Variants in KATNAL2 observed in about 807,000 individuals in gnomAD.
The protein encoded by KATNAL2 is katanin catalytic subunit A1 like 2, also known as katanin p60 ATPase-containing subunit A-like 2.
Under a neutral mutation model 76.3 loss-of-function variants are expected in KATNAL2, and 52 were observed. That is an observed-to-expected ratio of 0.68 (90% confidence interval 0.55 to 0.86). KATNAL2 has a LOEUF of 0.86. Among genes scored for constraint, KATNAL2 ranks in the 40% least tolerant of loss-of-function variants. KATNAL2 has a pLI of 0.00. For synonymous variants in KATNAL2, 243 were observed against 244.2 expected, an observed-to-expected ratio of 1.00 and a Z score of 0.05; for missense variants, 660 against 668.9, an observed-to-expected ratio of 0.99 and a Z score of 0.15.
chr18:47,100,031 G>A (rs2063401134), intron 16 of KATNAL2, among the ~76,000 whole-genome samples: 1 of 152,124 alleles, frequency 6.6e-6, no homozygotes, highest in African/African-American at 2.4e-5. Flanking sequence ...AGCATATTTC[G>A]ATGGTGTTAG....
chr18:47,054,472 G>T lies in KATNAL2; in HGVS notation c.332+34G>T. 3.7e-6 allele frequency: 6 copies of T among 1,600,216 alleles called. No individual in the cohort carries two copies. In the South Asian group the frequency reaches 6.6e-5, roughly 18 times the overall value. ...AATGGTAATTCTTCTTAATCGACTC[G>T]GCTCGAGGAGCTTGTGGAATCCCTT... On this transcript the variant is annotated intron_variant, in intron 6 of 17. Coordinates refer to ENST00000683218, the MANE Select transcript of KATNAL2 (RefSeq NM_001387690.1).
chr18:46,961,658 C>A (rs967291305), intron 3 of KATNAL2, among the ~76,000 whole-genome samples: 33 of 152,208 alleles, frequency 2.2e-4, no homozygotes, highest in Admixed American at 1.1e-3. Flanking sequence ...AACGTTGTCA[C>A]ATCCCTGACC....
At chr18:47,098,457 T>C (rs2063343703) in intron 15 of KATNAL2, 1 of 176,342 alleles carries the variant, frequency 5.7e-6, no homozygotes, top group East Asian at 1.7e-4. Flanking sequence ...TTCACTACCA[T>C]GAGAACAGCA....
intron 6 of KATNAL2, 137 bp downstream of exon 6, chr18:47,054,575 A>G: frequency 1.2e-6 from 1 of 820,964 alleles, no homozygotes. Context: ...GGCCCAGCCC[A>G]GGACTTCTCT....
chr18:47,035,428 A>C, intron 3 of KATNAL2: 2 of 1,420,604 alleles, frequency 1.4e-6, no homozygotes, highest in Non-Finnish European at 1.9e-6. Context: ...TCGGAGCAGC[A>C]GGCCACTTGG....
At chr18:47,054,214 C>G (rs902366609) in intron 5 of KATNAL2, among the ~76,000 whole-genome samples, 182 bp from the exon 6 acceptor site, 1 of 152,176 alleles carries the variant, frequency 6.6e-6, no homozygotes, top group Admixed American at 6.5e-5. Context: ...AAGCTCAGGC[C>G]TCTTTCTCTT....
In KATNAL2 at chr18:46,946,467, C is replaced by T. The variant is rs1345017173; in HGVS notation, c.-99C>T. On this transcript the variant is annotated 5_prime_UTR_variant, in exon 2 of 18. It adds an upstream start codon to the 5' untranslated region. Coordinates refer to ENST00000683218, the MANE Select transcript of KATNAL2 (RefSeq NM_001387690.1). ...CTAATCCAGGGAGGAGAAGACGGGA[C>T]GTCAAAATATAGTCTTGGGTATAGA... The T allele has an allele frequency of 3.0e-6, 3 of 985,292 alleles. No individual in the cohort carries two copies. The highest frequency in any genetic ancestry group is 3.6e-6 in the Non-Finnish European group (3 of 829,930). 61.0% of individuals were successfully genotyped at this position (985,292 alleles called of 1,614,324 possible). A position where few individuals can be genotyped will look rare whatever the true frequency, so the allele number is the denominator to read the frequency against.
At chr18:47,037,493 A>G (rs547504975) in intron 3 of KATNAL2, among the ~76,000 whole-genome samples, 3 of 152,198 alleles carry the variant, frequency 2.0e-5, no homozygotes, top group Non-Finnish European at 4.4e-5. Context: ...ACCATCTCTT[A>G]CAGTTTAAAT....
chr18:46,921,249 T>C (rs1460648949), intron 1 of KATNAL2, among the ~76,000 whole-genome samples: 1 of 152,182 alleles, frequency 6.6e-6, no homozygotes, highest in Non-Finnish European at 1.5e-5. Flanking sequence ...TGCCTCAGCC[T>C]CCCAAGTAGC....
At chr18:47,081,559 G>C (rs1453604619) in intron 15 of KATNAL2, among the ~76,000 whole-genome samples, 1 of 152,186 alleles carries the variant, frequency 6.6e-6, no homozygotes, top group South Asian at 2.1e-4. Flanking sequence ...CATGTGGCTG[G>C]TGCTACCATA....
intron 15 of KATNAL2, among the ~76,000 whole-genome samples, chr18:47,086,345 G>A (rs953927121): frequency 6.6e-6 from 1 of 152,042 alleles, no homozygotes; most frequent in Non-Finnish European, 1.5e-5. Flanking sequence ...GTCTCGCTCT[G>A]TTCCCCAGGC....
intron 3 of KATNAL2, among the ~76,000 whole-genome samples, chr18:46,948,385 A>G (rs1328105038): frequency 6.6e-6 from 1 of 150,388 alleles, no homozygotes; most frequent in Non-Finnish European, 1.5e-5. Flanking sequence ...GTGCTAGGAT[A>G]ACAGGCATGA....
intron 3 of KATNAL2, among the ~76,000 whole-genome samples, chr18:47,031,900 T>A (rs183891823): frequency 6.6e-6 from 1 of 152,308 alleles, no homozygotes; most frequent in East Asian, 1.9e-4. Flanking sequence ...TGTGTGTGTG[T>A]GTATCATATC....
chr18:47,035,300 G>T, intron 3 of KATNAL2: 1 of 1,611,612 alleles, frequency 6.2e-7, no homozygotes, highest in Admixed American at 1.7e-5. Flanking sequence ...TGTCCCGGCG[G>T]TCGCAGCTCT....
intron 1 of KATNAL2, among the ~76,000 whole-genome samples, chr18:46,940,188 T>TA (rs2059206962): frequency 6.6e-6 from 1 of 151,926 alleles, no homozygotes; most frequent in Non-Finnish European, 1.5e-5. Context: ...AGCAGAGCTC[T>TA]GAACTGTTAT....
rs760197146 is a variant in KATNAL2, at chr18:47,033,330, T to G, written c.52-13127T>G. 6.2e-7 allele frequency: 1 copy of G among 1,613,864 alleles called. No individual in the cohort carries two copies. The highest frequency in any genetic ancestry group is 1.7e-5 in the Admixed American group (1 of 60,036). ...TATCATAAGGCGTCTTGGCCACAGA[T>G]TTGAAACAGATCATCTTTGCCTCTC... On this transcript the variant is annotated intron_variant, in intron 3 of 17. Coordinates refer to ENST00000683218, the MANE Select transcript of KATNAL2 (RefSeq NM_001387690.1).
intron 1 of KATNAL2, among the ~76,000 whole-genome samples, chr18:46,936,080 T>C (rs138932521): frequency 1.6e-4 from 24 of 152,276 alleles, no homozygotes; most frequent in African/African-American, 5.5e-4. Flanking sequence ...CAGTGTATGA[T>C]ACAGAACCAC....
intron 1 of KATNAL2, among the ~76,000 whole-genome samples, chr18:46,934,054 A>G (rs2059016751): frequency 6.6e-6 from 1 of 151,360 alleles, no homozygotes; most frequent in African/African-American, 2.4e-5. Flanking sequence ...TCATTGTTGG[A>G]CATTTAGGTT....
At chr18:46,947,223 C>A (rs2059408903) in intron 3 of KATNAL2, among the ~76,000 whole-genome samples, 1 of 152,156 alleles carries the variant, frequency 6.6e-6, no homozygotes, top group African/African-American at 2.4e-5. Context: ...TTATTAGACT[C>A]TGGATCTTGA....
Sources: allele counts gnomAD v4.1 joint callset (sites outside exome capture counted in the v4.1 genomes callset), GRCh38; gene constraint gnomAD v4.1.1; transcripts MANE v1.5; gene names NCBI Gene and HGNC (gene_info 2026-07-23, HGNC 2026-07-21).